GRID1: variants seen among roughly 807,000 people sequenced by gnomAD.
GRID1 encodes the protein glutamate ionotropic receptor delta type subunit 1, also known as glutamate receptor ionotropic, delta-1.
Under a neutral mutation model 98.0 loss-of-function variants are expected in GRID1, and 28 were observed. That is an observed-to-expected ratio of 0.29 (90% CI 0.21 to 0.39). GRID1 has a LOEUF of 0.39. GRID1 is among the 10% of genes least tolerant of loss of function. The pLI is 1.00. For synonymous variants in GRID1, 553 were observed against 538.5 expected, an observed-to-expected ratio of 1.03 and a Z score of -0.37; for missense variants, 1,111 against 1,340.5, an observed-to-expected ratio of 0.83 and a Z score of 2.67.
In GRID1 at chr10:86,078,725, G is replaced by T. The variant is rs541402517; in HGVS notation, c.726+60094C>A. ...GCTGGGCAATGGGAGCCAGGCATGA[G>T]GGCTCGGGAGAGGCAGGAAGGTGTC... On this transcript the variant is annotated intron_variant, in intron 4 of 15. Transcript: ENST00000327946. 4.6e-5 allele frequency among the ~76,000 whole-genome samples: 7 copies of T among 152,336 alleles called. No individual in the cohort carries two copies. The South Asian group carries it at 1.4e-3, about 32-fold the overall frequency.
At chr10:85,643,290 T>C (rs1843146235) in intron 13 of GRID1, among the ~76,000 whole-genome samples, 1 of 151,994 alleles carries the variant, frequency 6.6e-6, no homozygotes. Flanking sequence ...CTGCCTACAC[T>C]GCATGGCAGC....
intron 8 of GRID1, among the ~76,000 whole-genome samples, chr10:85,772,982 C>G (rs1842288672): frequency 6.6e-6 from 1 of 152,310 alleles, no homozygotes; most frequent in South Asian, 2.1e-4. Flanking sequence ...ATGAGGCCAG[C>G]ATCATCCTGA....
intron 4 of GRID1, among the ~76,000 whole-genome samples, chr10:86,017,648 A>T (rs78221488): frequency 0.012 from 1,814 of 152,348 alleles, 32 homozygotes; most frequent in African/African-American, 0.035. Flanking sequence ...TGGCTGGCAG[A>T]CATTCAATCC....
intron 2 of GRID1, among the ~76,000 whole-genome samples, chr10:86,353,058 C>T (rs1848483805): frequency 6.6e-6 from 1 of 152,210 alleles, no homozygotes; most frequent in Admixed American, 6.5e-5. Flanking sequence ...GAACGTGCCC[C>T]AGGAGGGAAA....
intron 8 of GRID1, among the ~76,000 whole-genome samples, chr10:85,839,482 T>C (rs1021355740): frequency 6.6e-6 from 1 of 152,088 alleles, no homozygotes; most frequent in Non-Finnish European, 1.5e-5. Context: ...ACAAAGAAAT[T>C]CACTCCAAAG....
At chr10:85,962,528 G>T (rs1013808029) in intron 4 of GRID1, among the ~76,000 whole-genome samples, 1 of 152,174 alleles carries the variant, frequency 6.6e-6, no homozygotes, top group Non-Finnish European at 1.5e-5. Context: ...TAAATGGAGA[G>T]GGAGGGAAGA....
intron 12 of GRID1, among the ~76,000 whole-genome samples, chr10:85,709,879 A>G (rs1841563531): frequency 6.6e-6 from 1 of 152,212 alleles, no homozygotes; most frequent in Non-Finnish European, 1.5e-5. Flanking sequence ...GTCTATATTT[A>G]CATCCACATG....
chr10:85,619,505 A>C, intron 14 of GRID1, among the ~76,000 whole-genome samples: 1 of 152,310 alleles, frequency 6.6e-6, no homozygotes, highest in East Asian at 1.9e-4. Context: ...TTCCAGCTTC[A>C]GGGGTGTCCC....
At chr10:85,627,026 T>G (rs538176291) in intron 13 of GRID1, among the ~76,000 whole-genome samples, 5 of 152,178 alleles carry the variant, frequency 3.3e-5, no homozygotes, top group African/African-American at 4.8e-5. Flanking sequence ...TAGTCAGAAG[T>G]TGGAAGCAAC....
At chr10:86,302,185 G>A (rs1041957238) in intron 2 of GRID1, among the ~76,000 whole-genome samples, 2 of 152,238 alleles carry the variant, frequency 1.3e-5, no homozygotes, top group African/African-American at 4.8e-5. Context: ...GGCCCAGCCT[G>A]GCAGGCAGAT....
intron 4 of GRID1, among the ~76,000 whole-genome samples, chr10:86,129,203 G>C (rs1168585766): frequency 6.6e-6 from 1 of 152,168 alleles, no homozygotes; most frequent in African/African-American, 2.4e-5. Flanking sequence ...GAGAGGACTG[G>C]GGGTTGTCCC....
At chr10:86,328,773 C>T (rs1466326113) in intron 2 of GRID1, among the ~76,000 whole-genome samples, 2 of 152,118 alleles carry the variant, frequency 1.3e-5, no homozygotes, top group Non-Finnish European at 1.5e-5. Flanking sequence ...CCGTTCCCCC[C>T]TCCACCCCCA....
intron 4 of GRID1, among the ~76,000 whole-genome samples, chr10:85,958,483 G>A (rs1290981310): frequency 6.6e-6 from 1 of 151,804 alleles, no homozygotes; most frequent in Middle Eastern, 3.2e-3. Context: ...GTTTCTGGGT[G>A]AGATTAGCAT....
At chr10:86,342,114 G>T (rs2132110561) in intron 2 of GRID1, among the ~76,000 whole-genome samples, 1 of 152,270 alleles carries the variant, frequency 6.6e-6, no homozygotes, top group African/African-American at 2.4e-5. Context: ...CCTAGTTTTT[G>T]CAGAGACTTC....
intron 8 of GRID1, among the ~76,000 whole-genome samples, chr10:85,810,996 C>A (rs1842666335): frequency 6.6e-6 from 1 of 152,158 alleles, no homozygotes; most frequent in Non-Finnish European, 1.5e-5. Flanking sequence ...TGAACCAGCC[C>A]TCAAGTTGGC....
At chr10:86,138,796 G>GA (rs1404210599) in intron 4 of GRID1, 23 bp downstream of exon 4, 1 of 1,596,342 alleles carries the variant, frequency 6.3e-7, no homozygotes, top group Admixed American at 1.7e-5. Flanking sequence ...AGGCCCCTGA[G>GA]GCCTCAGGCC....
intron 2 of GRID1, among the ~76,000 whole-genome samples, chr10:86,231,814 C>G (rs1424764560): frequency 6.6e-6 from 1 of 152,198 alleles, no homozygotes; most frequent in Non-Finnish European, 1.5e-5. Context: ...TACTCATCAG[C>G]AAACCTCTTC....
chr10:85,680,357 T>C (rs1220181022), intron 12 of GRID1, among the ~76,000 whole-genome samples: 1 of 152,168 alleles, frequency 6.6e-6, no homozygotes, highest in Non-Finnish European at 1.5e-5. Context: ...TACAGCTTCC[T>C]TCTCCAGCCT....
intron 2 of GRID1, among the ~76,000 whole-genome samples, chr10:86,363,461 C>T (rs1244419766): frequency 6.6e-6 from 1 of 152,244 alleles, no homozygotes; most frequent in Non-Finnish European, 1.5e-5. Context: ...CCGCGCCTAC[C>T]AGGTTATGCC....
Sources: gnomAD v4.1 joint callset for allele counts (sites outside exome capture counted in the v4.1 genomes callset) on GRCh38, gnomAD v4.1.1 for gene constraint, MANE v1.5 for transcripts, NCBI Gene and HGNC (gene_info 2026-07-23, HGNC 2026-07-21) for gene names.